RALY: variants seen among roughly 807,000 people sequenced by gnomAD.
RALY encodes the protein RALY heterogeneous nuclear ribonucleoprotein, also known as RNA-binding protein Raly.
Under a neutral mutation model 30.7 loss-of-function variants are expected in RALY, and 15 were observed. That is an observed-to-expected ratio of 0.49 (90% CI 0.33 to 0.75). The LOEUF is 0.75. Among genes scored for constraint, RALY ranks in the 30% least tolerant of loss-of-function variants. The pLI, the probability that RALY is intolerant of heterozygous loss-of-function variation, is 0.02. For missense variants in RALY, 339 were observed against 414.3 expected, an observed-to-expected ratio of 0.82 and a Z score of 1.58; for synonymous variants, 177 against 170.8, an observed-to-expected ratio of 1.04 and a Z score of -0.28.
At chr20:34,008,858 C>T (rs1340938751) in intron 1 of RALY, among the ~76,000 whole-genome samples, 1 of 152,150 alleles carries the variant, frequency 6.6e-6, no homozygotes, top group African/African-American at 2.4e-5. Flanking sequence ...TGAGTTATTA[C>T]TTTGTTACCC....
intron 2 of RALY, among the ~76,000 whole-genome samples, chr20:34,060,867 A>T (rs1372550484): frequency 6.6e-6 from 1 of 152,214 alleles, no homozygotes; most frequent in Non-Finnish European, 1.5e-5. Context: ...TGAAAATTTG[A>T]CGACGCACAT....
chr20:34,025,124 G>A (rs555055519), intron 1 of RALY, among the ~76,000 whole-genome samples: 1 of 152,308 alleles, frequency 6.6e-6, no homozygotes, highest in African/African-American at 2.4e-5. Context: ...GCAGAAATGC[G>A]TTGGAGGCTG....
chr20:34,057,374 AAAT>A (rs1311639723), intron 2 of RALY, among the ~76,000 whole-genome samples: 1 of 152,200 alleles, frequency 6.6e-6, no homozygotes, highest in Admixed American at 6.5e-5. Context: ...AAGAATTTTA[AAAT>A]AATAAACCAG....
At chr20:34,021,054 G>A (rs1269991730) in intron 1 of RALY, among the ~76,000 whole-genome samples, 5 of 151,910 alleles carry the variant, frequency 3.3e-5, no homozygotes, top group South Asian at 4.2e-4. Flanking sequence ...CTCCGCCTCC[G>A]GGGTTCAAGC....
In RALY at chr20:34,077,084, AGCGGTG is replaced by A. The variant is rs377408088; in HGVS notation, c.724_729del (p.Gly242_Gly243del). The A allele has an allele frequency of 2.6e-4, 416 of 1,605,350 alleles. 2 individuals carry two copies. The Middle Eastern group carries it at 3.2e-3, about 12-fold the overall frequency. On this transcript the variant is annotated inframe_deletion, in exon 8 of 10. Coordinates refer to ENST00000246194, the MANE Select transcript of RALY (RefSeq NM_016732.3). ...CGGCGGCGGCGGCGGTGGTGGTGGC[AGCGGTG>A]GCGGTGGCAGTGGTGGTGGCGGTGG...
intron 2 of RALY, among the ~76,000 whole-genome samples, chr20:34,032,636 C>A (rs1033778989): frequency 1.3e-5 from 2 of 152,048 alleles, no homozygotes; most frequent in Admixed American, 6.6e-5. Flanking sequence ...GCTGGAATTA[C>A]AGATGTGTAC....
intron 1 of RALY, among the ~76,000 whole-genome samples, chr20:33,994,631 G>A (rs1411512566): frequency 6.6e-6 from 1 of 152,214 alleles, no homozygotes; most frequent in Non-Finnish European, 1.5e-5. Flanking sequence ...CCTCTTCTGG[G>A]CTCTTTGCAC....
Position 34,077,208 on chromosome 20 carries a change from A to C in RALY, c.839A>C (p.Asp280Ala). 1 of 1,613,770 alleles carries C rather than the reference A, an allele frequency of 6.2e-7. No individual in the cohort carries two copies. Among genetic ancestry groups the C allele is most frequent in the Non-Finnish European group, 8.5e-7 (1 of 1,179,902 alleles). Residue 280 changes from aspartate (D) to alanine (A), a missense_variant, in exon 8 of 10, where the codon GAT becomes GCT. Coordinates refer to ENST00000246194, the MANE Select transcript of RALY (RefSeq NM_016732.3). ...GAAGCACGGACCCGAGACGACGGCGATGAGGAAGGGCTCCTGACACACAGC... is the reference window on the plus strand; with the variant it reads ...GAAGCACGGACCCGAGACGACGGCGCTGAGGAAGGGCTCCTGACACACAGC... ...QGEARTRDDG[D>A]EEGLLTHSEE...
At chr20:34,044,223 A>G (rs1384773042) in intron 2 of RALY, among the ~76,000 whole-genome samples, 2 of 152,154 alleles carry the variant, frequency 1.3e-5, no homozygotes, top group East Asian at 3.8e-4. Flanking sequence ...GCTATTGTGT[A>G]TGTACTGTGT....
chr20:34,008,449 A>T (rs1047274362), intron 1 of RALY, among the ~76,000 whole-genome samples: 39 of 152,310 alleles, frequency 2.6e-4, no homozygotes, highest in African/African-American at 9.4e-4. Flanking sequence ...TTTAGTTGTG[A>T]TGTTCAGGGA....
chr20:34,073,649 A>ACTGT lies in RALY; in HGVS notation c.329+26_329+29dup, dbSNP rs753776800. 59 of 1,575,860 alleles carry ACTGT rather than the reference A, an allele frequency of 3.7e-5. No individual in the cohort carries two copies. Among genetic ancestry groups the ACTGT allele is most frequent in the African/African-American group, 9.5e-5 (7 of 74,026 alleles). ...TGCCATATACAGGTGGGGCTGTCTGACTGTCTGTCTGTCTGGTGGGATGAC... is the reference window on the plus strand; with the variant it reads ...TGCCATATACAGGTGGGGCTGTCTGACTGTCTGTCTGTCTGTCTGGTGGGATGAC... On this transcript the variant is annotated intron_variant, in intron 4 of 9. Coordinates refer to ENST00000246194, the MANE Select transcript of RALY (RefSeq NM_016732.3).
intron 1 of RALY, among the ~76,000 whole-genome samples, chr20:34,005,528 C>G (rs1046083364): frequency 6.6e-6 from 1 of 151,890 alleles, no homozygotes; most frequent in South Asian, 2.1e-4. Context: ...AAAATCTGAC[C>G]TGGGTTTTAA....
intron 2 of RALY, among the ~76,000 whole-genome samples, chr20:34,062,891 C>T (rs2033458169): frequency 1.3e-5 from 2 of 152,238 alleles, no homozygotes; most frequent in Non-Finnish European, 2.9e-5. Flanking sequence ...CCAAAGCTCA[C>T]AGCAAGTGCT....
At chr20:34,056,608 T>C (rs535432654) in intron 2 of RALY, among the ~76,000 whole-genome samples, 2 of 152,348 alleles carry the variant, frequency 1.3e-5, no homozygotes, top group African/African-American at 4.8e-5. Flanking sequence ...TTCCTCTACC[T>C]AGGAACCTAC....
chr20:34,003,961 A>G (rs1049726784), intron 1 of RALY, among the ~76,000 whole-genome samples: 4 of 152,130 alleles, frequency 2.6e-5, no homozygotes, highest in Non-Finnish European at 4.4e-5. Context: ...TAAAAGGTCT[A>G]CCAGGTTACA....
chr20:34,040,727 A>C (rs1362743381), intron 2 of RALY, among the ~76,000 whole-genome samples: 1 of 152,224 alleles, frequency 6.6e-6, no homozygotes, highest in Non-Finnish European at 1.5e-5. Flanking sequence ...ATAACTCATT[A>C]AGCTATTAAT....
chr20:34,083,907 C>T lies in RALY; in HGVS notation c.*4002C>T, dbSNP rs1417529564. 1 of 152,222 alleles carries T rather than the reference C, an allele frequency of 6.6e-6. No homozygotes were observed. Among genetic ancestry groups the T allele is most frequent in the Non-Finnish European group, 1.5e-5 (1 of 68,042 alleles). The allele number at this position is 152,222 out of a possible 1,614,324, so 9.4% of individuals were successfully genotyped here. A position where few individuals can be genotyped will look rare whatever the true frequency, so the allele number is the denominator to read the frequency against. ...TGAGGTTTTAGGCAAATCAAAATCC[C>T]TCCACCAGTAGCCAGATTCTTCATA... On this transcript the variant is annotated 3_prime_UTR_variant, in exon 10 of 10. Coordinates refer to ENST00000246194, the MANE Select transcript of RALY (RefSeq NM_016732.3).
At chr20:34,006,764 T>A (rs1024647014) in intron 1 of RALY, among the ~76,000 whole-genome samples, 3 of 152,192 alleles carry the variant, frequency 2.0e-5, no homozygotes, top group Non-Finnish European at 4.4e-5. Context: ...CAGCCTATGC[T>A]ATATAGTCTA....
intron 2 of RALY, among the ~76,000 whole-genome samples, chr20:34,043,968 C>G (rs775010537): frequency 5.9e-5 from 9 of 151,950 alleles, no homozygotes; most frequent in Non-Finnish European, 1.0e-4. Context: ...AGGAATACCT[C>G]CCAGAAGAGG....
Sources: gnomAD v4.1 joint callset for allele counts (sites outside exome capture counted in the v4.1 genomes callset) on GRCh38, gnomAD v4.1.1 for gene constraint, MANE v1.5 for transcripts, NCBI Gene and HGNC (gene_info 2026-07-23, HGNC 2026-07-21) for gene names.